ARHGAP18: variants seen among roughly 807,000 people sequenced by gnomAD.
The protein encoded by ARHGAP18 is rho GTPase-activating protein 18.
In ARHGAP18, 67 loss-of-function variants were observed where a neutral mutation model predicts 86.2. The observed-to-expected ratio is 0.78, with a 90% CI of 0.64 to 0.95. The LOEUF (loss-of-function observed/expected upper bound fraction) is 0.95, where lower values mean the gene tolerates loss of function less well. Among genes scored for constraint, ARHGAP18 ranks in the 40% least tolerant of loss-of-function variants. The pLI is 0.00. For synonymous variants in ARHGAP18, 283 were observed against 280.4 expected (o/e 1.01, Z -0.09); for missense variants, 691 against 780.4 (o/e 0.89, Z 1.37).
chr6:129,601,326 G>A (rs1180281561), intron 10 of ARHGAP18, among the ~76,000 whole-genome samples: 1 of 152,092 alleles, frequency 6.6e-6, no homozygotes, highest in African/African-American at 2.4e-5. Flanking sequence ...AATGAGCCAG[G>A]CACTGGGTAT....
At chr6:129,668,854 A>G (rs1431103368) in intron 1 of ARHGAP18, among the ~76,000 whole-genome samples, 2 of 152,220 alleles carry the variant, frequency 1.3e-5, no homozygotes, top group Non-Finnish European at 2.9e-5. Context: ...CTGAGGCTGC[A>G]GGGAGAATTG....
intron 1 of ARHGAP18, among the ~76,000 whole-genome samples, chr6:129,672,108 C>T (rs572393133): frequency 6.6e-4 from 100 of 152,074 alleles, no homozygotes; most frequent in Non-Finnish European, 1.3e-3. Flanking sequence ...CACACACACA[C>T]GCTTCCTCTC....
chr6:129,660,313 C>A (rs929372587), intron 1 of ARHGAP18, among the ~76,000 whole-genome samples: 16 of 152,146 alleles, frequency 1.1e-4, no homozygotes, highest in African/African-American at 3.6e-4. Flanking sequence ...GGTCCTGAAT[C>A]CAAAGGGCAT....
chr6:129,656,847 C>T (rs1287463779), intron 1 of ARHGAP18, among the ~76,000 whole-genome samples: 3 of 152,146 alleles, frequency 2.0e-5, no homozygotes, highest in Non-Finnish European at 2.9e-5. Flanking sequence ...TAATCAGTGT[C>T]CTCTTTATAT....
At chr6:129,645,247 A>G (rs908034875) in intron 1 of ARHGAP18, among the ~76,000 whole-genome samples, 6 of 152,166 alleles carry the variant, frequency 3.9e-5, no homozygotes, top group Admixed American at 3.9e-4. Context: ...TGTACTTCAG[A>G]CAGGCAGTGA....
intron 11 of ARHGAP18, 115 bp from the exon 12 acceptor site, chr6:129,599,471 A>G (rs1029214070): frequency 1.5e-5 from 14 of 925,420 alleles, no homozygotes; most frequent in Non-Finnish European, 1.9e-5. Context: ...TCTCTTTTTG[A>G]TAAGACTGCC....
intron 1 of ARHGAP18, among the ~76,000 whole-genome samples, chr6:129,691,143 A>G (rs564600870): frequency 2.6e-5 from 4 of 152,360 alleles, no homozygotes; most frequent in African/African-American, 7.2e-5. Flanking sequence ...GATGGGGAAG[A>G]AGCAGGTAGT....
At chr6:129,699,202 A>C (rs763132) in intron 1 of ARHGAP18, among the ~76,000 whole-genome samples, 49,880 of 152,114 alleles carry the variant, frequency 0.33, 9,076 homozygotes, top group Non-Finnish European at 0.39. Flanking sequence ...ATCTAAAGTC[A>C]CAAGAATGTA....
chr6:129,659,279 A>G (rs1773901703), intron 1 of ARHGAP18, among the ~76,000 whole-genome samples: 1 of 152,232 alleles, frequency 6.6e-6, no homozygotes. Context: ...AGAGCCCAGC[A>G]GAGACAATTG....
intron 1 of ARHGAP18, among the ~76,000 whole-genome samples, chr6:129,647,437 C>T (rs939359393): frequency 2.6e-5 from 4 of 152,084 alleles, no homozygotes; most frequent in African/African-American, 9.7e-5. Context: ...TGCTTCTGAC[C>T]CTTCGAGGCA....
chr6:129,699,082 C>A (rs1774669746), intron 1 of ARHGAP18, among the ~76,000 whole-genome samples: 1 of 152,132 alleles, frequency 6.6e-6, no homozygotes, highest in South Asian at 2.1e-4. Flanking sequence ...TGCAATCCAC[C>A]AACCTCGGCC....
chr6:129,616,976 T>C (rs372998551), intron 6 of ARHGAP18, among the ~76,000 whole-genome samples: 25 of 152,184 alleles, frequency 1.6e-4, no homozygotes, highest in African/African-American at 5.5e-4. Flanking sequence ...AAAGCAAATA[T>C]CATTCATCTT....
At chr6:129,595,720 C>T (rs1246791963) in intron 12 of ARHGAP18, among the ~76,000 whole-genome samples, 1 of 152,168 alleles carries the variant, frequency 6.6e-6, no homozygotes, top group East Asian at 1.9e-4. Context: ...TCTCTCTATG[C>T]ACCTAAGTGG....
At chr6:129,625,525 A>ATATTTTAT (rs1789396634) in intron 5 of ARHGAP18, among the ~76,000 whole-genome samples, 1 of 58,588 alleles carries the variant, frequency 1.7e-5, no homozygotes, top group African/African-American at 6.3e-5. Context: ...TATATATTAT[A>ATATTTTAT]ACTATACATT....
At chr6:129,600,207 G>A (rs1225165325) in intron 11 of ARHGAP18, among the ~76,000 whole-genome samples, 2 of 152,006 alleles carry the variant, frequency 1.3e-5, no homozygotes, top group Non-Finnish European at 2.9e-5. Flanking sequence ...CCTAATCAAC[G>A]AAGCCTCTCA....
rs1358899906 is a variant in ARHGAP18 at position 129,648,001 on chromosome 6, A to G, written c.114-5983T>C. ...TTCCCCAGATGCATCAATCTTTCTG[A>G]GTTTGTATTGCGTATAGCCAAGGCA... is the stretch of plus-strand genomic sequence containing the variant. On this transcript the variant is annotated intron_variant, in intron 1 of 14. Transcript: ENST00000368149. Among the ~76,000 whole-genome samples the G allele has an allele frequency of 2.6e-5, 4 of 152,162 alleles. No homozygotes were observed. In the East Asian group the frequency reaches 7.7e-4, roughly 29 times the overall value.
At chr6:129,666,927 A>C (rs1774050881) in intron 1 of ARHGAP18, among the ~76,000 whole-genome samples, 1 of 152,174 alleles carries the variant, frequency 6.6e-6, no homozygotes, top group Admixed American at 6.5e-5. Context: ...CACTTCCTTT[A>C]AATCTGGGAT....
chr6:129,604,548 G>A (rs989390503), intron 10 of ARHGAP18, among the ~76,000 whole-genome samples: 1 of 152,080 alleles, frequency 6.6e-6, no homozygotes, highest in African/African-American at 2.4e-5. Context: ...CCTGTGTCGG[G>A]AGCACTGCTG....
chr6:129,684,191 G>A (rs1471382213), intron 1 of ARHGAP18, among the ~76,000 whole-genome samples: 2 of 152,184 alleles, frequency 1.3e-5, no homozygotes, highest in South Asian at 2.1e-4. Context: ...AAGTAGGAGA[G>A]GAAATGATGC....
Sources: gnomAD v4.1 joint callset for allele counts (sites outside exome capture counted in the v4.1 genomes callset) on GRCh38, gnomAD v4.1.1 for gene constraint, MANE v1.5 for transcripts, NCBI Gene and HGNC (gene_info 2026-07-23, HGNC 2026-07-21) for gene names.